The following ROBO1 variants were observed in gnomAD, a reference collection of about 807,000 sequenced individuals.
ROBO1 encodes the protein roundabout guidance receptor 1.
In ROBO1, 149 loss-of-function variants were observed where a neutral mutation model predicts 195.9. The ratio of observed to expected loss-of-function variants is 0.76; its 90% CI spans 0.67 to 0.87. The LOEUF (loss-of-function observed/expected upper bound fraction) is 0.87. Ranked by LOEUF, ROBO1 falls within the 40% of genes least tolerant of loss-of-function variation. The probability of loss-of-function intolerance (pLI) is 0.00; values close to 1 mark genes in which losing one functional copy is unlikely to be tolerated. For synonymous variants in ROBO1, 816 were observed against 733.2 expected, an observed-to-expected ratio of 1.11 and a Z score of -1.82; for missense variants, 1,933 against 2,068.3, an observed-to-expected ratio of 0.93 and a Z score of 1.27.
At chr3:78,943,803 A>T (rs1035342942) in intron 3 of ROBO1, among the ~76,000 whole-genome samples, 1 of 152,216 alleles carries the variant, frequency 6.6e-6, no homozygotes, top group Non-Finnish European at 1.5e-5. Context: ...CAAAAAACCT[A>T]TTACTTGACT....
At chr3:79,420,712 A>G (rs978952075) in intron 2 of ROBO1, among the ~76,000 whole-genome samples, 2 of 152,156 alleles carry the variant, frequency 1.3e-5, no homozygotes, top group African/African-American at 4.8e-5. Flanking sequence ...TCTTAAAAGA[A>G]CCCATTAAAA....
chr3:79,360,556 T>C (rs961588593), intron 2 of ROBO1, among the ~76,000 whole-genome samples: 1 of 151,976 alleles, frequency 6.6e-6, no homozygotes, highest in African/African-American at 2.4e-5. Context: ...AACAATGACA[T>C]TGATGATGGT....
chr3:79,308,796 T>TA lies in ROBO1; in HGVS notation c.89-183258dup, dbSNP rs905706130. Among the ~76,000 whole-genome samples, 60 of 152,244 alleles carry TA rather than the reference T, an allele frequency of 3.9e-4. 1 individual carries two copies. Among genetic ancestry groups the TA allele is most frequent in the Admixed American group, 9.2e-4 (14 of 15,278 alleles). On this transcript the variant is annotated intron_variant, in intron 2 of 30. Transcript: ENST00000464233. ...ATTAAACTGCAAATTGATAAGATGG[T>TA]AAAAAAATGAAATTCCATAGCTATT...
chr3:79,516,516 C>A (rs1294897534), intron 2 of ROBO1, among the ~76,000 whole-genome samples: 4 of 152,072 alleles, frequency 2.6e-5, no homozygotes, highest in Non-Finnish European at 5.9e-5. Flanking sequence ...ACACAGACTG[C>A]CATTATTTTT....
chr3:79,745,658 A>G (rs1432094341), intron 1 of ROBO1, among the ~76,000 whole-genome samples: 2 of 152,148 alleles, frequency 1.3e-5, no homozygotes, highest in Non-Finnish European at 2.9e-5. Context: ...GTAAAGTGTC[A>G]TTATCATGTA....
intron 2 of ROBO1, among the ~76,000 whole-genome samples, chr3:79,454,426 G>C (rs1226882025): frequency 1.3e-5 from 2 of 151,982 alleles, no homozygotes; most frequent in Non-Finnish European, 2.9e-5. Flanking sequence ...CATGAGCATT[G>C]ACTTACAGAC....
intron 1 of ROBO1, among the ~76,000 whole-genome samples, chr3:79,735,495 G>A (rs184437086): frequency 1.0e-3 from 156 of 152,268 alleles, no homozygotes; most frequent in Middle Eastern, 3.4e-3. Flanking sequence ...TCCACCTCCT[G>A]TATAGTACTT....
chr3:79,445,624 G>C (rs1481927260), intron 2 of ROBO1, among the ~76,000 whole-genome samples: 1 of 150,078 alleles, frequency 6.7e-6, no homozygotes, highest in Non-Finnish European at 1.5e-5. Context: ...ACCCTCCCGA[G>C]TAGCTGGGAC....
intron 3 of ROBO1, among the ~76,000 whole-genome samples, chr3:78,967,728 T>C (rs2076678641): frequency 6.6e-6 from 1 of 152,118 alleles, no homozygotes; most frequent in Non-Finnish European, 1.5e-5. Flanking sequence ...ACCAACAATC[T>C]AAAAAGATCC....
At chr3:79,321,650 C>T (rs1463117393) in intron 2 of ROBO1, among the ~76,000 whole-genome samples, 1 of 152,082 alleles carries the variant, frequency 6.6e-6, no homozygotes, top group Non-Finnish European at 1.5e-5. Context: ...TGATATGAAC[C>T]CTATAATAAG....
intron 5 of ROBO1, among the ~76,000 whole-genome samples, chr3:78,728,364 C>G (rs1033004547): frequency 1.4e-4 from 22 of 151,876 alleles, no homozygotes; most frequent in Non-Finnish European, 2.6e-4. Flanking sequence ...ACTCATAACA[C>G]AAAATGACAG....
At chr3:79,307,661 C>T (rs1024615707) in intron 2 of ROBO1, among the ~76,000 whole-genome samples, 5 of 151,780 alleles carry the variant, frequency 3.3e-5, no homozygotes, top group Admixed American at 2.6e-4. Flanking sequence ...TGATAATTAT[C>T]TCAATGATGT....
At chr3:78,884,864 T>TG (rs2036449413) in intron 4 of ROBO1, among the ~76,000 whole-genome samples, 2 of 67,582 alleles carry the variant, frequency 3.0e-5, no homozygotes, top group South Asian at 7.7e-4. Flanking sequence ...CTCTCTCTCT[T>TG]TCTGTGTGTG....
intron 3 of ROBO1, among the ~76,000 whole-genome samples, chr3:79,030,011 T>C (rs543634646): frequency 6.6e-6 from 1 of 152,356 alleles, no homozygotes; most frequent in South Asian, 2.1e-4. Flanking sequence ...TTTTGTGTAG[T>C]ATACTAAGTT....
chr3:79,316,915 A>C (rs1018300351), intron 2 of ROBO1, among the ~76,000 whole-genome samples: 1 of 152,170 alleles, frequency 6.6e-6, no homozygotes, highest in African/African-American at 2.4e-5. Context: ...CATTGTCATC[A>C]CTTCAGAATA....
At chr3:79,003,743 C>G (rs996772817) in intron 3 of ROBO1, among the ~76,000 whole-genome samples, 1 of 152,056 alleles carries the variant, frequency 6.6e-6, no homozygotes, top group East Asian at 1.9e-4. Flanking sequence ...GTATTTTAAC[C>G]CGGAAGCCTT....
At chr3:78,626,822 C>T (rs1704820249) in intron 26 of ROBO1, among the ~76,000 whole-genome samples, 1 of 151,778 alleles carries the variant, frequency 6.6e-6, no homozygotes, top group Non-Finnish European at 1.5e-5. Flanking sequence ...AAACTCATAT[C>T]TAAATCAAAG....
Position 79,653,721 on chromosome 3 carries a change from G to T in ROBO1, c.-50-63760C>A, listed in dbSNP as rs370830869. The stretch of plus-strand genomic sequence containing the variant: ...TAAAATGCAGTTCCTAGGGAAAGAG[G>T]TTGTTCAATAATGTCAGATGAATCC... On this transcript the variant is annotated intron_variant, in intron 1 of 30. Transcript: ENST00000464233. Among the ~76,000 whole-genome samples the T allele has an allele frequency of 2.1e-4, 32 of 151,892 alleles. No homozygotes were observed. In the East Asian group the frequency reaches 5.4e-3, roughly 26 times the overall value.
At chr3:79,367,175 T>C (rs940428654) in intron 2 of ROBO1, among the ~76,000 whole-genome samples, 2 of 152,202 alleles carry the variant, frequency 1.3e-5, no homozygotes, top group Admixed American at 1.3e-4. Context: ...TTAAAACATC[T>C]TACATGCAGG....
Sources: gnomAD v4.1 joint callset for allele counts (sites outside exome capture counted in the v4.1 genomes callset) on GRCh38, gnomAD v4.1.1 for gene constraint, MANE v1.5 for transcripts, NCBI Gene and HGNC (gene_info 2026-07-23, HGNC 2026-07-21) for gene names.